Variants in CSGALNACT1 observed in about 807,000 individuals in gnomAD.
CSGALNACT1 encodes chondroitin sulfate N-acetylgalactosaminyltransferase 1.
In CSGALNACT1, 52 loss-of-function variants were observed where a neutral mutation model predicts 51.0. The ratio of observed to expected loss-of-function variants is 1.02; its 90% CI spans 0.82 to 1.29. The LOEUF (loss-of-function observed/expected upper bound fraction) is 1.29. CSGALNACT1 is among the 50% of genes most tolerant of loss of function. The pLI, the probability that CSGALNACT1 is intolerant of heterozygous loss-of-function variation, is 0.00. For synonymous variants in CSGALNACT1, 341 were observed against 254.4 expected (o/e 1.34, Z -3.24); for missense variants, 935 against 679.2 (o/e 1.38, Z -4.19).
chr8:19,753,916 T>A (rs1333722087), intron 1 of CSGALNACT1, among the ~76,000 whole-genome samples: 2 of 152,204 alleles, frequency 1.3e-5, no homozygotes, highest in Non-Finnish European at 2.9e-5. Context: ...TCGACTAACT[T>A]CATTCACATT....
intron 1 of CSGALNACT1, among the ~76,000 whole-genome samples, chr8:19,697,600 G>C (rs1316289466): frequency 2.0e-5 from 3 of 152,194 alleles, no homozygotes; most frequent in Non-Finnish European, 4.4e-5. Flanking sequence ...TACCTGGGGA[G>C]TGAGGGAGTG....
intron 6 of CSGALNACT1, among the ~76,000 whole-genome samples, chr8:19,436,779 C>G (rs1469273231): frequency 6.6e-6 from 1 of 152,006 alleles, no homozygotes; most frequent in Non-Finnish European, 1.5e-5. Context: ...GGCATGGTGG[C>G]ACATGCTTGT....
At chr8:19,431,427 T>G (rs576651301) in intron 6 of CSGALNACT1, among the ~76,000 whole-genome samples, 26 of 152,244 alleles carry the variant, frequency 1.7e-4, no homozygotes, top group African/African-American at 6.3e-4. Context: ...GATGGTCATG[T>G]GATTTTTGTC....
chr8:19,551,497 C>T (rs1397553792), intron 3 of CSGALNACT1, among the ~76,000 whole-genome samples: 2 of 152,208 alleles, frequency 1.3e-5, no homozygotes, highest in African/African-American at 2.4e-5. Context: ...AGAGCATTTC[C>T]TCCTGTCTCC....
At chr8:19,586,336 G>A (rs745405096) in intron 3 of CSGALNACT1, among the ~76,000 whole-genome samples, 2 of 151,240 alleles carry the variant, frequency 1.3e-5, no homozygotes, top group Non-Finnish European at 2.9e-5. Flanking sequence ...TCCAGCCTGG[G>A]CAACAGAGCA....
chr8:19,552,549 C>G (rs1015388430), intron 3 of CSGALNACT1, among the ~76,000 whole-genome samples: 6 of 152,038 alleles, frequency 3.9e-5, no homozygotes, highest in African/African-American at 1.2e-4. Context: ...ACTTTTAAAG[C>G]AAGCTCAGCT....
intron 4 of CSGALNACT1, among the ~76,000 whole-genome samples, chr8:19,480,157 G>C (rs2070956609): frequency 6.6e-6 from 1 of 152,084 alleles, no homozygotes; most frequent in South Asian, 2.1e-4. Flanking sequence ...GTGCAGGTTT[G>C]TTATATAGGT....
At chr8:19,449,805 G>C (rs774770932) in intron 5 of CSGALNACT1, among the ~76,000 whole-genome samples, 1 of 151,922 alleles carries the variant, frequency 6.6e-6, no homozygotes, top group African/African-American at 2.4e-5. Context: ...ACTTGGAATT[G>C]AGAAAGATTT....
intron 1 of CSGALNACT1, among the ~76,000 whole-genome samples, chr8:19,672,346 C>CA (rs931268519): frequency 1.3e-5 from 2 of 151,886 alleles, no homozygotes; most frequent in African/African-American, 2.4e-5. Flanking sequence ...AATAAATGAA[C>CA]AAAAAAAATT....
At chr8:19,699,509 C>G (rs111477345) in intron 1 of CSGALNACT1, among the ~76,000 whole-genome samples, 2 of 152,202 alleles carry the variant, frequency 1.3e-5, no homozygotes, top group African/African-American at 2.4e-5. Context: ...CCATGAGGAT[C>G]TGATGCTGAG....
chr8:19,594,446 C>T (rs1237456915), intron 2 of CSGALNACT1, among the ~76,000 whole-genome samples: 2 of 152,118 alleles, frequency 1.3e-5, no homozygotes, highest in African/African-American at 4.8e-5. Flanking sequence ...AACATTGAGA[C>T]TCAAACACAC....
At chr8:19,690,419 G>C (rs532667924) in intron 1 of CSGALNACT1, among the ~76,000 whole-genome samples, 1 of 151,816 alleles carries the variant, frequency 6.6e-6, no homozygotes, top group African/African-American at 2.4e-5. Flanking sequence ...TTCTGTTTCT[G>C]CTAAGAAAAA....
intron 6 of CSGALNACT1, among the ~76,000 whole-genome samples, chr8:19,435,727 G>A (rs140919824): frequency 6.6e-6 from 1 of 152,198 alleles, no homozygotes; most frequent in Admixed American, 6.5e-5. Context: ...TGAAGAACCA[G>A]TGAGCTCATC....
intron 3 of CSGALNACT1, chr8:19,587,729 T>G (rs1215658382): frequency 6.6e-6 from 1 of 152,198 alleles, no homozygotes; most frequent in African/African-American, 2.4e-5. Context: ...GAGAAACTGG[T>G]ACTCTCCAAC....
At chr8:19,625,090 C>T (rs186441174) in intron 1 of CSGALNACT1, among the ~76,000 whole-genome samples, 8 of 152,264 alleles carry the variant, frequency 5.3e-5, no homozygotes, top group Admixed American at 2.0e-4. Context: ...GGAAGGGACA[C>T]GAGTCAGTTC....
intron 5 of CSGALNACT1, among the ~76,000 whole-genome samples, chr8:19,440,302 G>A (rs2061102746): frequency 6.6e-6 from 1 of 152,066 alleles, no homozygotes; most frequent in Non-Finnish European, 1.5e-5. Context: ...GATGAACATT[G>A]ATGCAAAAAT....
intron 3 of CSGALNACT1, among the ~76,000 whole-genome samples, chr8:19,554,687 G>A (rs2089239898): frequency 6.6e-6 from 1 of 152,082 alleles, no homozygotes; most frequent in Non-Finnish European, 1.5e-5. Context: ...GGAGGCTGAG[G>A]CCAGTGAATC....
chr8:19,674,798 C>T (rs551057923), intron 1 of CSGALNACT1, among the ~76,000 whole-genome samples: 8 of 151,738 alleles, frequency 5.3e-5, no homozygotes, highest in South Asian at 2.1e-4. Context: ...CCCCTGGAAA[C>T]GCGAAGAAGT....
At chr8:19,486,357 T>A (rs879588563) in intron 4 of CSGALNACT1, among the ~76,000 whole-genome samples, 3 of 152,090 alleles carry the variant, frequency 2.0e-5, no homozygotes, top group Non-Finnish European at 4.4e-5. Flanking sequence ...CCAAGTCTAT[T>A]CTCAACACAA....
Sources: allele counts gnomAD v4.1 joint callset (sites outside exome capture counted in the v4.1 genomes callset), GRCh38; gene constraint gnomAD v4.1.1; transcripts MANE v1.5; gene names NCBI Gene and HGNC (gene_info 2026-07-23, HGNC 2026-07-21).